Variants in NAALADL2 observed in about 807,000 individuals in gnomAD.
The protein encoded by NAALADL2 is inactive N-acetylated-alpha-linked acidic dipeptidase-like protein 2.
Under a neutral mutation model 87.2 loss-of-function variants are expected in NAALADL2, and 76 were observed. The ratio of observed to expected loss-of-function variants is 0.87; its 90% CI spans 0.72 to 1.05. The LOEUF is 1.05. Among genes scored for constraint, NAALADL2 ranks in the 50% least tolerant of loss-of-function variants. The pLI, the probability that NAALADL2 is intolerant of heterozygous loss-of-function variation, is 0.00. For missense variants in NAALADL2, 1,089 were observed against 945.8 expected (o/e 1.15, Z -1.99); for synonymous variants, 354 against 331.0 (o/e 1.07, Z -0.75).
intron 10 of NAALADL2, among the ~76,000 whole-genome samples, chr3:175,587,026 G>C (rs1254726753): frequency 6.6e-6 from 1 of 152,124 alleles, no homozygotes; most frequent in Non-Finnish European, 1.5e-5. Flanking sequence ...AAGATCAGAG[G>C]CATCTTTGGT....
At chr3:175,477,841 C>G (rs1487415323) in intron 9 of NAALADL2, among the ~76,000 whole-genome samples, 15 of 152,106 alleles carry the variant, frequency 9.9e-5, no homozygotes, top group Non-Finnish European at 7.4e-5. Context: ...ACTGGTGACA[C>G]AATTTAGACT....
chr3:175,053,848 A>G (rs566407224), intron 1 of NAALADL2, among the ~76,000 whole-genome samples: 2 of 152,334 alleles, frequency 1.3e-5, no homozygotes, highest in South Asian at 4.1e-4. Flanking sequence ...GACCAGAGGC[A>G]TTAACATGGG....
chr3:174,669,410 A>T (rs372661198), intron 2 of NAALADL2, among the ~76,000 whole-genome samples: 1 of 152,026 alleles, frequency 6.6e-6, no homozygotes, highest in African/African-American at 2.4e-5. Context: ...TTAGAGTCCA[A>T]TTTTTTTATA....
chr3:174,928,692 G>T (rs1736445455), intron 1 of NAALADL2, among the ~76,000 whole-genome samples: 1 of 152,060 alleles, frequency 6.6e-6, no homozygotes, highest in African/African-American at 2.4e-5. Context: ...TAATATTTAG[G>T]TCATCACATT....
chr3:175,103,420 T>C (rs1722569088), intron 2 of NAALADL2, among the ~76,000 whole-genome samples: 1 of 152,202 alleles, frequency 6.6e-6, no homozygotes, highest in Admixed American at 6.5e-5. Flanking sequence ...AATTAAACTT[T>C]ACCATTGACA....
chr3:175,371,592 A>T (rs757380915), intron 5 of NAALADL2, among the ~76,000 whole-genome samples: 24 of 152,082 alleles, frequency 1.6e-4, no homozygotes, highest in Non-Finnish European at 2.2e-4. Flanking sequence ...TGGGAGGCCA[A>T]GGCGGGTGGA....
intron 1 of NAALADL2, among the ~76,000 whole-genome samples, chr3:174,959,824 G>A (rs1042622939): frequency 5.9e-5 from 9 of 151,958 alleles, no homozygotes; most frequent in African/African-American, 1.2e-4. Flanking sequence ...ATTTTAATAC[G>A]CAAGGCAATC....
rs537448050 is a variant in NAALADL2 at position 175,807,932 on chromosome 3, G to A, written c.*4729G>A. Reference sequence around the variant, plus strand: ...AACTTTTAGGTGACATGAATTTGAAGCGTAGCAAAAGAAATGTATAAAGAT... The same window carrying A: ...AACTTTTAGGTGACATGAATTTGAAACGTAGCAAAAGAAATGTATAAAGAT... On this transcript the variant is annotated 3_prime_UTR_variant, in exon 14 of 14. Coordinates refer to ENST00000454872, the MANE Select transcript of NAALADL2 (RefSeq NM_207015.3). 9 of 152,042 alleles carry A rather than the reference G, an allele frequency of 5.9e-5. No individual in the cohort carries two copies. In the East Asian group the frequency reaches 1.7e-3, roughly 30 times the overall value. 9.4% of individuals were successfully genotyped at this position (152,042 alleles called of 1,614,324 possible). A position where few individuals can be genotyped will look rare whatever the true frequency, so the allele number is the denominator to read the frequency against.
chr3:175,149,081 G>A (rs1245038098), intron 2 of NAALADL2, among the ~76,000 whole-genome samples: 3 of 152,076 alleles, frequency 2.0e-5, no homozygotes, highest in Non-Finnish European at 2.9e-5. Flanking sequence ...CTATGCATGA[G>A]CCCACAGTGT....
At chr3:175,473,838 C>T (rs1725256623) in intron 9 of NAALADL2, among the ~76,000 whole-genome samples, 2 of 151,934 alleles carry the variant, frequency 1.3e-5, no homozygotes, top group South Asian at 4.2e-4. Flanking sequence ...ACTTCATTTC[C>T]AATACTGAAG....
intron 5 of NAALADL2, among the ~76,000 whole-genome samples, chr3:175,396,395 T>C (rs2149040171): frequency 6.6e-6 from 1 of 152,314 alleles, no homozygotes; most frequent in Non-Finnish European, 1.5e-5. Flanking sequence ...TGATAAGTAA[T>C]GTTGAATACA....
intron 2 of NAALADL2, among the ~76,000 whole-genome samples, chr3:174,649,678 A>T (rs906503706): frequency 1.3e-5 from 2 of 152,298 alleles, no homozygotes; most frequent in African/African-American, 4.8e-5. Flanking sequence ...AGAGGGAAAG[A>T]ACAGCAGAAA....
chr3:175,523,884 T>C (rs143601363), intron 9 of NAALADL2, among the ~76,000 whole-genome samples: 42 of 152,338 alleles, frequency 2.8e-4, no homozygotes, highest in African/African-American at 9.9e-4. Context: ...AGACAAAGAA[T>C]TGACATACTG....
intron 10 of NAALADL2, among the ~76,000 whole-genome samples, chr3:175,612,595 T>C (rs1724795568): frequency 6.6e-6 from 1 of 152,192 alleles, no homozygotes; most frequent in Non-Finnish European, 1.5e-5. Context: ...CCCATTTCTT[T>C]CAGAGTTGAT....
intron 1 of NAALADL2, among the ~76,000 whole-genome samples, chr3:174,881,456 T>C (rs1408873413): frequency 6.6e-6 from 1 of 152,166 alleles, no homozygotes; most frequent in East Asian, 1.9e-4. Flanking sequence ...GTTTCTGTGG[T>C]GAAACATGGC....
chr3:175,172,206 T>G (rs1734943430), intron 2 of NAALADL2, among the ~76,000 whole-genome samples: 1 of 152,060 alleles, frequency 6.6e-6, no homozygotes, highest in Non-Finnish European at 1.5e-5. Flanking sequence ...AAAGATACAT[T>G]GATAATGTAA....
chr3:174,668,273 T>C (rs1726164857), intron 2 of NAALADL2, among the ~76,000 whole-genome samples: 4 of 152,148 alleles, frequency 2.6e-5, no homozygotes, highest in South Asian at 4.1e-4. Flanking sequence ...TTATTATATA[T>C]ATATGATTTG....
At chr3:175,559,753 A>G (rs1048856378) in intron 9 of NAALADL2, among the ~76,000 whole-genome samples, 7 of 152,220 alleles carry the variant, frequency 4.6e-5, no homozygotes, top group Non-Finnish European at 8.8e-5. Context: ...TGATTTGCAT[A>G]TGTTGCACCA....
intron 1 of NAALADL2, among the ~76,000 whole-genome samples, chr3:174,869,871 C>T (rs2109600458): frequency 6.6e-6 from 1 of 152,014 alleles, no homozygotes; most frequent in South Asian, 2.1e-4. Flanking sequence ...TGGCTCGTGC[C>T]TGTAATTCCA....
Sources: allele counts gnomAD v4.1 joint callset (sites outside exome capture counted in the v4.1 genomes callset), GRCh38; gene constraint gnomAD v4.1.1; transcripts MANE v1.5; gene names NCBI Gene and HGNC (gene_info 2026-07-23, HGNC 2026-07-21).